AGAP3: variants seen among roughly 807,000 people sequenced by gnomAD.
AGAP3 encodes the protein ArfGAP with GTPase domain, ankyrin repeat and PH domain 3.
A neutral mutation model predicts 96.9 loss-of-function variants in AGAP3; 24 were observed. The observed-to-expected ratio is 0.25, with a 90% CI of 0.18 to 0.35. The LOEUF (loss-of-function observed/expected upper bound fraction) is 0.35, where lower values mean the gene tolerates loss of function less well. AGAP3 is among the 10% of genes least tolerant of loss of function. AGAP3 has a pLI of 1.00. For missense variants in AGAP3, 876 were observed against 1,254.2 expected, an observed-to-expected ratio of 0.70 and a Z score of 4.55; for synonymous variants, 563 against 536.1, an observed-to-expected ratio of 1.05 and a Z score of -0.69.
rs181332371 is a variant in AGAP3, at chr7:151,141,911, G to A, written c.1818G>A (p.Ser606=). 3.3e-4 allele frequency: 534 copies of A among 1,614,144 alleles called. No homozygotes were observed. The African/African-American group carries it at 5.6e-3, about 17-fold the overall frequency. ...PSSATEEAEE[S]FEFVVVSLTG... Reference sequence around the variant, plus strand: ...CCCCCCCAACAGAGGCAGAGGAGTCGTTTGAATTTGTGGTGGTGTCCCTCA... The same window carrying A: ...CCCCCCCAACAGAGGCAGAGGAGTCATTTGAATTTGTGGTGGTGTCCCTCA... The change falls in exon 14 of 18, where the codon TCG becomes TCA. Residue 606 remains serine (S), a synonymous_variant. Coordinates refer to ENST00000397238, the MANE Select transcript of AGAP3 (RefSeq NM_031946.7). This position sits in a 1 kb window ranked among gnomAD's most constrained non-coding sequence, Gnocchi z 4.2.
chr7:151,125,912 G>A (rs1244058517), intron 9 of AGAP3, among the ~76,000 whole-genome samples: 1 of 152,216 alleles, frequency 6.6e-6, no homozygotes, highest in Non-Finnish European at 1.5e-5. Flanking sequence ...TTCCCATTCC[G>A]CCCCAGATTG....
At chr7:151,087,174 G>T (rs1315452298) in intron 1 of AGAP3, 102 bp downstream of exon 1, 2 of 1,298,702 alleles carry the variant, frequency 1.5e-6, no homozygotes, top group Non-Finnish European at 2.1e-6. Context: ...CCTGTCGGGG[G>T]TCCTTGCGCG....
chr7:151,129,638 C>A (rs1189333747), intron 10 of AGAP3, among the ~76,000 whole-genome samples: 1 of 152,198 alleles, frequency 6.6e-6, no homozygotes, highest in Non-Finnish European at 1.5e-5. Flanking sequence ...ACCTGGGAGA[C>A]TGGAGGAGGG....
rs533827862 is a variant in AGAP3 at position 151,133,040 on chromosome 7, G to C, written c.1327-1360G>C. Among the ~76,000 whole-genome samples the C allele has an allele frequency of 2.0e-5, 3 of 152,186 alleles. No homozygotes were observed. Among genetic ancestry groups the C allele is most frequent in the African/African-American group, 7.2e-5 (3 of 41,438 alleles). Reference sequence around the variant, plus strand: ...GGGCTCCTCAGGGTAGGAGGAGCGCGTCTGGGAAGGCTCGTCGCACGGCCG... The same window carrying C: ...GGGCTCCTCAGGGTAGGAGGAGCGCCTCTGGGAAGGCTCGTCGCACGGCCG... On this transcript the variant is annotated intron_variant, in intron 10 of 17. Transcript: ENST00000397238. This position sits in a 1 kb window ranked among gnomAD's most constrained non-coding sequence, Gnocchi z 5.4.
chr7:151,137,161 C>T (rs1042063571), intron 11 of AGAP3, among the ~76,000 whole-genome samples: 1 of 152,250 alleles, frequency 6.6e-6, no homozygotes, highest in African/African-American at 2.4e-5. Flanking sequence ...TCCCCGCAGG[C>T]TTCCCCTCAG....
chr7:151,109,478 T>C (rs1172038896), intron 1 of AGAP3, among the ~76,000 whole-genome samples: 1 of 152,218 alleles, frequency 6.6e-6, no homozygotes, highest in Non-Finnish European at 1.5e-5. Context: ...GGCTTGTCGA[T>C]GCCGTCTTCT....
At position 151,126,563 on chromosome 7, in the gene AGAP3, G is replaced by A. The variant is rs1380312978; in HGVS notation, c.1222-2017G>A. On this transcript the variant is annotated intron_variant, in intron 9 of 17. Transcript: ENST00000397238. Reference sequence around the variant, plus strand: ...TTTCTTTGGTTTGTGTGCTGGGGGCGGGGCGGGGGGTATTGGGGATGACTC... The same window carrying A: ...TTTCTTTGGTTTGTGTGCTGGGGGCAGGGCGGGGGGTATTGGGGATGACTC... 3.3e-5 allele frequency among the ~76,000 whole-genome samples: 5 copies of A among 152,108 alleles called. No homozygotes were observed. The East Asian group carries it at 7.8e-4, about 24-fold the overall frequency.
chr7:151,120,723 G>A (rs191023481), intron 8 of AGAP3: 30 of 1,215,486 alleles, frequency 2.5e-5, no homozygotes, highest in Non-Finnish European at 3.2e-5. Context: ...GCTTCACCAC[G>A]CTGCCTCGTT....
chr7:151,114,715 G>T lies in AGAP3; in HGVS notation c.332-2078G>T. 1.0e-6 allele frequency: 1 copy of T among 1,000,978 alleles called. No individual in the cohort carries two copies. Among genetic ancestry groups the T allele is most frequent in the South Asian group, 4.6e-5 (1 of 21,666 alleles). The allele number at this position is 1,000,978 out of a possible 1,614,324, so 62.0% of individuals were successfully genotyped here. On this transcript the variant is annotated intron_variant, in intron 1 of 17. Coordinates refer to ENST00000397238, the MANE Select transcript of AGAP3 (RefSeq NM_031946.7). This position sits in a 1 kb window ranked among gnomAD's most constrained non-coding sequence, Gnocchi z 4.4. ...TGCGCCCCGGCCGCGGCCCCGGCCCGGGCCCAGCCCCGTGCCCCTCGCCAT... is the reference window on the plus strand; with the variant it reads ...TGCGCCCCGGCCGCGGCCCCGGCCCTGGCCCAGCCCCGTGCCCCTCGCCAT...
chr7:151,128,282 C>T (rs925815770), intron 9 of AGAP3: 41 of 403,122 alleles, frequency 1.0e-4, no homozygotes, highest in Non-Finnish European at 1.4e-4. Context: ...CGGTCTACAC[C>T]CCTGACAGGC....
chr7:151,141,818 T>C lies in AGAP3; in HGVS notation c.1805-80T>C, dbSNP rs768019199. 1.9e-6 allele frequency: 3 copies of C among 1,575,600 alleles called. No homozygotes were observed. The highest frequency in any genetic ancestry group is 1.1e-5 in the South Asian group (1 of 89,714). ...GACACTTGCCAGTGGAGCAGGGTAG[T>C]GAGTGGAGTTGTGGCGATAGCATGC... On this transcript the variant is annotated intron_variant, in intron 13 of 17. Transcript: ENST00000397238. The surrounding 1 kb of genome is among the most constrained non-coding windows in gnomAD (Gnocchi z 4.2).
intron 1 of AGAP3, among the ~76,000 whole-genome samples, chr7:151,094,508 C>T (rs1262833448): frequency 1.3e-5 from 2 of 151,690 alleles, no homozygotes; most frequent in Non-Finnish European, 2.9e-5. Flanking sequence ...AAATGACTCT[C>T]GTTGTTTTAC....
At chr7:151,099,867 C>A (rs1190109056) in intron 1 of AGAP3, among the ~76,000 whole-genome samples, 1 of 152,186 alleles carries the variant, frequency 6.6e-6, no homozygotes, top group African/African-American at 2.4e-5. Context: ...TATGTAATAG[C>A]AGAAAGTTTG....
At chr7:151,128,418 G>A (rs1800267990) in intron 9 of AGAP3, 162 bp from the exon 10 acceptor site, 1 of 600,562 alleles carries the variant, frequency 1.7e-6, no homozygotes, top group East Asian at 2.8e-5. Context: ...GGTCTAAGGG[G>A]CCTTCCCAAG....
In AGAP3 at chr7:151,143,476, G is replaced by A; in HGVS notation, c.2409G>A (p.Met803Ile). 3.7e-6 allele frequency: 6 copies of A among 1,614,226 alleles called. No homozygotes were observed. The highest frequency in any genetic ancestry group is 5.1e-6 in the Non-Finnish European group (6 of 1,180,046). Reference sequence around the variant, plus strand: ...AAGATGACCTGCGGCTGTTGGTGATGCTCCTGGCACATGGCTCCAAAGAGG... The same window carrying A: ...AAGATGACCTGCGGCTGTTGGTGATACTCCTGGCACATGGCTCCAAAGAGG... Reference protein sequence around the residue: ...VVEDDLRLLVMLLAHGSKEEV... With the variant: ...VVEDDLRLLVILLAHGSKEEV... Residue 803 changes from methionine (M) to isoleucine (I), a missense_variant, in exon 17 of 18, where the codon ATG (methionine) becomes ATA (isoleucine). Met to Ile is a conservative substitution (Grantham distance 10). Around this residue, in one of 8 missense-constraint regions of AGAP3, gnomAD observed 213 missense variants for 253.8 expected, o/e 0.84. Coordinates refer to ENST00000397238, the MANE Select transcript of AGAP3 (RefSeq NM_031946.7). This position sits in a 1 kb window ranked among gnomAD's most constrained non-coding sequence, Gnocchi z 5.9.
At chr7:151,129,238 C>G (rs899727489) in intron 10 of AGAP3, among the ~76,000 whole-genome samples, 1 of 151,974 alleles carries the variant, frequency 6.6e-6, no homozygotes, top group African/African-American at 2.4e-5. Flanking sequence ...CACCGCGTGG[C>G]TCCAGCACAC....
At chr7:151,111,467 C>A (rs1044555607) in intron 1 of AGAP3, among the ~76,000 whole-genome samples, 6 of 152,214 alleles carry the variant, frequency 3.9e-5, no homozygotes, top group African/African-American at 9.6e-5. Context: ...AAGCAACACA[C>A]ACCTGGAGGC....
intron 1 of AGAP3, among the ~76,000 whole-genome samples, chr7:151,102,650 G>GCT (rs994443605): frequency 9.9e-5 from 15 of 151,818 alleles, no homozygotes; most frequent in African/African-American, 3.6e-4. Flanking sequence ...TCGCTCTGTG[G>GCT]CTCAGGCTGG....
rs916289923 is a variant in AGAP3, at chr7:151,138,002, G to A, written c.1496-141G>A. 1.5e-4 allele frequency: 101 copies of A among 687,854 alleles called. No homozygotes were observed. In the African/African-American group the frequency reaches 1.5e-3, roughly 10 times the overall value. 42.6% of individuals were successfully genotyped at this position (687,854 alleles called of 1,614,324 possible). On this transcript the variant is annotated intron_variant, in intron 11 of 17. Coordinates refer to ENST00000397238, the MANE Select transcript of AGAP3 (RefSeq NM_031946.7). ...CCCTGCGCAGCCTCTGGCTCTCCCAGAAGCTGGCCCGCCACCTGATGAACC... is the reference window on the plus strand; with the variant it reads ...CCCTGCGCAGCCTCTGGCTCTCCCAAAAGCTGGCCCGCCACCTGATGAACC...
Sources: gnomAD v4.1 joint callset for allele counts (sites outside exome capture counted in the v4.1 genomes callset) on GRCh38, gnomAD v4.1.1 for gene constraint, gnomAD v4.1.1 regional missense constraint, Gnocchi (gnomAD v3.1) non-coding constraint, MANE v1.5 for transcripts, NCBI Gene and HGNC (gene_info 2026-07-23, HGNC 2026-07-21) for gene names.